The following ERG variants were observed in gnomAD, a reference collection of about 807,000 sequenced individuals.
The protein encoded by ERG is transcriptional regulator ERG.
ERG carries 9 observed loss-of-function variants against 55.3 expected under a neutral mutation model. That is an observed-to-expected ratio of 0.16 (90% CI 0.10 to 0.28). The LOEUF is 0.28. Ranked by LOEUF, ERG falls within the 10% of genes least tolerant of loss-of-function variation. The pLI is 1.00. For synonymous variants in ERG, 223 were observed against 237.3 expected (o/e 0.94, Z 0.55); for missense variants, 434 against 631.6 (o/e 0.69, Z 3.35).
intron 9 of ERG, among the ~76,000 whole-genome samples, chr21:38,386,537 GC>G (rs1167222709): frequency 6.6e-6 from 1 of 152,172 alleles, no homozygotes; most frequent in Non-Finnish European, 1.5e-5. Context: ...AATTTTAAGA[GC>G]AATTTTTAAA....
At chr21:38,622,249 C>A (rs551497139) in intron 1 of ERG, among the ~76,000 whole-genome samples, 6 of 152,200 alleles carry the variant, frequency 3.9e-5, no homozygotes, top group Non-Finnish European at 7.4e-5. Flanking sequence ...AGGGCCCCTG[C>A]TGCTTTCCGG....
At chr21:38,627,075 T>C (rs982023165) in intron 1 of ERG, among the ~76,000 whole-genome samples, 3 of 151,826 alleles carry the variant, frequency 2.0e-5, no homozygotes. Flanking sequence ...AGCATTTACA[T>C]AAAAAAATTT....
chr21:38,477,094 C>A (rs931370281), intron 1 of ERG, among the ~76,000 whole-genome samples: 3 of 133,058 alleles, frequency 2.3e-5, no homozygotes, highest in African/African-American at 8.1e-5. Context: ...CTCACTGCAA[C>A]CTTGACCTCC....
chr21:38,591,976 T>C (rs1274656899), intron 1 of ERG, among the ~76,000 whole-genome samples: 3 of 152,120 alleles, frequency 2.0e-5, no homozygotes, highest in Non-Finnish European at 2.9e-5. Context: ...GAGATAGAGA[T>C]TCTAGAGCCA....
chr21:38,543,554 C>CA (rs1296311315), intron 2 of ERG, among the ~76,000 whole-genome samples: 1 of 151,962 alleles, frequency 6.6e-6, no homozygotes, highest in East Asian at 1.9e-4. Flanking sequence ...ATTGAGCATC[C>CA]ACTATGGGCT....
intron 2 of ERG, among the ~76,000 whole-genome samples, chr21:38,515,150 A>G (rs546437313): frequency 3.9e-5 from 6 of 152,130 alleles, no homozygotes; most frequent in African/African-American, 1.4e-4. Flanking sequence ...ATTTTCTTCA[A>G]ATTGATCAAT....
At chr21:38,462,493 G>C (rs770970083) in intron 1 of ERG, among the ~76,000 whole-genome samples, 1 of 152,116 alleles carries the variant, frequency 6.6e-6, no homozygotes, top group Non-Finnish European at 1.5e-5. Context: ...ACTTACTGAA[G>C]TAACCCACAG....
At chr21:38,385,200 C>G (rs572184382) in intron 9 of ERG, among the ~76,000 whole-genome samples, 1 of 152,140 alleles carries the variant, frequency 6.6e-6, no homozygotes, top group Non-Finnish European at 1.5e-5. Context: ...TAGAAGACAG[C>G]AGCATGTAAA....
At chr21:38,605,658 G>A (rs997098184) in intron 1 of ERG, among the ~76,000 whole-genome samples, 1 of 152,174 alleles carries the variant, frequency 6.6e-6, no homozygotes, top group East Asian at 1.9e-4. Flanking sequence ...CAAGGCCCAA[G>A]CAGGGACAAA....
chr21:38,595,486 G>A (rs745626526), intron 1 of ERG, among the ~76,000 whole-genome samples: 1 of 152,164 alleles, frequency 6.6e-6, no homozygotes, highest in African/African-American at 2.4e-5. Context: ...CCCCAAGAAT[G>A]AGCATGTGCA....
intron 2 of ERG, among the ~76,000 whole-genome samples, chr21:38,507,680 G>C (rs2059474195): frequency 2.0e-5 from 3 of 152,186 alleles, no homozygotes; most frequent in African/African-American, 7.2e-5. Flanking sequence ...CCCCTGGGAT[G>C]GGTGAGGTTC....
intron 5 of ERG, among the ~76,000 whole-genome samples, chr21:38,402,102 T>C (rs982316205): frequency 2.0e-5 from 3 of 152,180 alleles, no homozygotes; most frequent in East Asian, 3.9e-4. Flanking sequence ...TAAAAGTTTA[T>C]TGGAAAGGAA....
At chr21:38,505,232 A>G (rs1180263962) in intron 2 of ERG, among the ~76,000 whole-genome samples, 4 of 152,164 alleles carry the variant, frequency 2.6e-5, no homozygotes, top group Non-Finnish European at 5.9e-5. Context: ...GAAGCCCTAT[A>G]CCCGTGCCTG....
chr21:38,636,569 T>G (rs1164225962), intron 1 of ERG, among the ~76,000 whole-genome samples: 1 of 152,136 alleles, frequency 6.6e-6, no homozygotes, highest in Non-Finnish European at 1.5e-5. Flanking sequence ...CACCTGTGGG[T>G]GAAGAGCAGA....
chr21:38,452,564 A>C (rs564356036), intron 1 of ERG, among the ~76,000 whole-genome samples: 2 of 152,354 alleles, frequency 1.3e-5, no homozygotes, highest in East Asian at 3.9e-4. Flanking sequence ...AACGCTTTAG[A>C]GGACTTTCAG....
chr21:38,553,949 T>C, intron 2 of ERG, among the ~76,000 whole-genome samples: 1 of 150,992 alleles, frequency 6.6e-6, no homozygotes, highest in Non-Finnish European at 1.5e-5. Flanking sequence ...AGGTCTAATA[T>C]GCAGAATCTA....
chr21:38,599,724 G>A (rs1385497350), intron 1 of ERG, among the ~76,000 whole-genome samples: 1 of 152,192 alleles, frequency 6.6e-6, no homozygotes, highest in Non-Finnish European at 1.5e-5. Flanking sequence ...CTCAATACTT[G>A]GAAATTAGAC....
At chr21:38,565,528 C>T (rs905109794) in intron 2 of ERG, among the ~76,000 whole-genome samples, 3 of 152,192 alleles carry the variant, frequency 2.0e-5, no homozygotes, top group African/African-American at 7.2e-5. Context: ...CGCCAGCCCC[C>T]AGTCTCCTTG....
At chr21:38,566,128 G>C (rs748995122) in intron 2 of ERG, among the ~76,000 whole-genome samples, 1 of 152,118 alleles carries the variant, frequency 6.6e-6, no homozygotes, top group Admixed American at 6.5e-5. Flanking sequence ...GGGTGATCTG[G>C]TATCAATGAT....
Sources: gnomAD v4.1 joint callset for allele counts (sites outside exome capture counted in the v4.1 genomes callset) on GRCh38, gnomAD v4.1.1 for gene constraint, MANE v1.5 for transcripts, NCBI Gene and HGNC (gene_info 2026-07-23, HGNC 2026-07-21) for gene names.